COBLL1: variants seen among roughly 807,000 people sequenced by gnomAD.
COBLL1 encodes the protein cordon-bleu protein-like 1.
A neutral mutation model predicts 94.8 loss-of-function variants in COBLL1; 50 were observed. The ratio of observed to expected loss-of-function variants is 0.53; its 90% CI spans 0.42 to 0.67. The LOEUF (loss-of-function observed/expected upper bound fraction) is 0.67, where lower values mean the gene tolerates loss of function less well. Ranked by LOEUF, COBLL1 falls within the 30% of genes least tolerant of loss-of-function variation. The pLI, the probability that COBLL1 is intolerant of heterozygous loss-of-function variation, is 0.00. For synonymous variants in COBLL1, 448 were observed against 473.8 expected (o/e 0.95, Z 0.71); for missense variants, 1,362 against 1,348.7 (o/e 1.01, Z -0.15).
intron 13 of COBLL1, chr2:164,687,774 G>C: frequency 3.9e-6 from 2 of 508,536 alleles, no homozygotes; most frequent in Admixed American, 6.3e-5. Flanking sequence ...TTAATTGACT[G>C]CAGAGGTAAT....
intron 2 of COBLL1, among the ~76,000 whole-genome samples, chr2:164,827,096 A>G (rs765436762): frequency 2.6e-5 from 4 of 152,008 alleles, no homozygotes; most frequent in Non-Finnish European, 5.9e-5. Context: ...GATTACAGGC[A>G]TGCACTACCA....
At chr2:164,818,285 T>G (rs188998619) in intron 2 of COBLL1, among the ~76,000 whole-genome samples, 4 of 148,170 alleles carry the variant, frequency 2.7e-5, no homozygotes, top group Non-Finnish European at 4.5e-5. Flanking sequence ...TGTATACATA[T>G]ATGTATGTAT....
chr2:164,731,450 T>C (rs1476424709), intron 3 of COBLL1, among the ~76,000 whole-genome samples: 3 of 152,334 alleles, frequency 2.0e-5, no homozygotes, highest in Non-Finnish European at 2.9e-5. Flanking sequence ...TTCATTCATA[T>C]CACTGACAGA....
At position 164,704,443 on chromosome 2, in the gene COBLL1, C is replaced by T. The variant is rs1348197402; in HGVS notation, c.1225+1G>A. The T allele has an allele frequency of 2.5e-6, 4 of 1,602,008 alleles. No homozygotes were observed. The highest frequency in any genetic ancestry group is 2.7e-5 in the African/African-American group (2 of 74,682). ...CACCATGTAGAATAAGGGTGTCATACCTGGGCTGGATAGCTCCTCAGGAGA... is the reference window on the plus strand; with the variant it reads ...CACCATGTAGAATAAGGGTGTCATATCTGGGCTGGATAGCTCCTCAGGAGA... On this transcript the variant is annotated splice_donor_variant, in intron 9 of 13. Coordinates refer to ENST00000652658, the MANE Select transcript of COBLL1 (RefSeq NM_001365672.2). LOFTEE classifies it high-confidence loss of function.
intron 2 of COBLL1, among the ~76,000 whole-genome samples, chr2:164,806,665 T>C (rs913029709): frequency 6.6e-6 from 1 of 152,168 alleles, no homozygotes; most frequent in African/African-American, 2.4e-5. Context: ...CTATTATTGA[T>C]AGATCCAACA....
At chr2:164,799,508 T>A (rs1443659080) in intron 2 of COBLL1, among the ~76,000 whole-genome samples, 1 of 152,202 alleles carries the variant, frequency 6.6e-6, no homozygotes, top group African/African-American at 2.4e-5. Flanking sequence ...ATTAGAAGAC[T>A]CAGTACAGTG....
rs950766325 is a variant in COBLL1, at chr2:164,795,614, A to AT, written c.41+45541dup. Among the ~76,000 whole-genome samples the AT allele has an allele frequency of 9.2e-5, 14 of 151,852 alleles. No homozygotes were observed. In the East Asian group the frequency reaches 2.5e-3, roughly 27 times the overall value. On this transcript the variant is annotated intron_variant, in intron 2 of 13. Transcript: ENST00000652658. ...TTACAGGCTTTAAAAGTCTACATGT[A>AT]TTTTTTTTAATCATACAGAACATAC...
chr2:164,826,176 A>G, intron 2 of COBLL1, among the ~76,000 whole-genome samples: 1 of 152,228 alleles, frequency 6.6e-6, no homozygotes, highest in Non-Finnish European at 1.5e-5. Context: ...GAAGCGAGGA[A>G]GTTACAATCA....
chr2:164,689,267 G>A (rs893679664), intron 13 of COBLL1, among the ~76,000 whole-genome samples: 1 of 152,062 alleles, frequency 6.6e-6, no homozygotes, highest in Non-Finnish European at 1.5e-5. Flanking sequence ...AATTGCCTGC[G>A]TATGAACCAG....
At chr2:164,836,944 C>T (rs1215812521) in intron 2 of COBLL1, among the ~76,000 whole-genome samples, 1 of 152,232 alleles carries the variant, frequency 6.6e-6, no homozygotes, top group Non-Finnish European at 1.5e-5. Context: ...TCCCAGATGA[C>T]TCCCATGTTG....
Position 164,728,188 on chromosome 2 carries a change from TCA to T in COBLL1, c.440_441del (p.Val147GlufsTer5). 1.2e-6 allele frequency: 2 copies of T among 1,607,764 alleles called. No homozygotes were observed. The highest frequency in any genetic ancestry group is 1.1e-5 in the South Asian group (1 of 90,826). ...GTTTTCTTAAAATTAATCACTACTC[TCA>T]CAGTTTTCTGAAACACATATTAAAG... ...KPTPIIPEKTVRVVINFKKTQ... is the reference protein window; with the variant it reads ...KPTPIIPEKTXRVVINFKKTQ... On this transcript the variant is annotated frameshift_variant, in exon 5 of 14. Coordinates refer to ENST00000652658, the MANE Select transcript of COBLL1 (RefSeq NM_001365672.2). LOFTEE classifies it high-confidence loss of function.
At chr2:164,713,308 C>T (rs1165620702) in intron 7 of COBLL1, among the ~76,000 whole-genome samples, 1 of 152,054 alleles carries the variant, frequency 6.6e-6, no homozygotes, top group African/African-American at 2.4e-5. Context: ...CATGTCAGAT[C>T]CCAGACAACT....
chr2:164,709,348 C>T (rs1684765365), intron 7 of COBLL1, among the ~76,000 whole-genome samples: 2 of 152,150 alleles, frequency 1.3e-5, no homozygotes, highest in South Asian at 4.1e-4. Context: ...ACCACCCTTA[C>T]CATGTTGTGC....
intron 2 of COBLL1, among the ~76,000 whole-genome samples, chr2:164,766,593 A>G (rs1687944066): frequency 6.6e-6 from 1 of 152,140 alleles, no homozygotes; most frequent in Non-Finnish European, 1.5e-5. Context: ...TGCTTCCTCT[A>G]CAGCCTACAG....
chr2:164,743,620 T>C lies in COBLL1; in HGVS notation c.230+67A>G, dbSNP rs576924747. ...GTCAAAGAACAAACATCAAGACGTA[T>C]ATCACAGAGACTTTCAATGGTGGAA... On this transcript the variant is annotated intron_variant, in intron 3 of 13. Transcript: ENST00000652658. 1.6e-5 allele frequency: 20 copies of C among 1,239,054 alleles called. No individual in the cohort carries two copies. The East Asian group carries it at 4.7e-4, about 29-fold the overall frequency. 76.8% of individuals were successfully genotyped at this position (1,239,054 alleles called of 1,614,324 possible).
rs373752079 is a variant in COBLL1, at chr2:164,722,447, C to A, written c.737G>T (p.Arg246Leu). ...TACTTGGTCTCGCTTTTTCTTACTGCGTTGAAAAAAACTGAAAAACCCTTT... is the reference window on the plus strand; with the variant it reads ...TACTTGGTCTCGCTTTTTCTTACTGAGTTGAAAAAAACTGAAAAACCCTTT... ...ENKGFFSFFQ[R>L]SKKKRDQTAS... The change falls in exon 6 of 14, where the codon CGC becomes CTC. Residue 246 changes from arginine (R) to leucine (L), a missense_variant. Coordinates refer to ENST00000652658, the MANE Select transcript of COBLL1 (RefSeq NM_001365672.2). 1 of 1,518,414 alleles carries A rather than the reference C, an allele frequency of 6.6e-7. No homozygotes were observed. The highest frequency in any genetic ancestry group is 1.3e-5 in the South Asian group (1 of 74,856). 94.1% of individuals were successfully genotyped at this position (1,518,414 alleles called of 1,614,324 possible). A position where few individuals can be genotyped will look rare whatever the true frequency, so the allele number is the denominator to read the frequency against.
chr2:164,740,977 T>G (rs181555833), intron 3 of COBLL1, among the ~76,000 whole-genome samples: 1 of 152,142 alleles, frequency 6.6e-6, no homozygotes, highest in East Asian at 1.9e-4. Flanking sequence ...TGGTGAAGCT[T>G]AAGATACACA....
chr2:164,658,427 G>A (rs1176617287), intron 2 of COBLL1, among the ~76,000 whole-genome samples: 2 of 152,092 alleles, frequency 1.3e-5, no homozygotes, highest in African/African-American at 2.4e-5. Context: ...AGGGGTCCAC[G>A]GTAGATCTTA....
chr2:164,750,857 G>C (rs1218273539), intron 2 of COBLL1, among the ~76,000 whole-genome samples: 1 of 152,096 alleles, frequency 6.6e-6, no homozygotes, highest in Non-Finnish European at 1.5e-5. Flanking sequence ...ATTAAGGGCA[G>C]GGCCTTACAA....
Sources: allele counts gnomAD v4.1 joint callset (sites outside exome capture counted in the v4.1 genomes callset), GRCh38; gene constraint gnomAD v4.1.1; transcripts MANE v1.5; gene names NCBI Gene and HGNC (gene_info 2026-07-23, HGNC 2026-07-21).